Variants in ADGRL2 observed in about 807,000 individuals in gnomAD.
ADGRL2 encodes the protein adhesion G protein-coupled receptor L2.
ADGRL2 carries 44 observed loss-of-function variants against 157.4 expected under a neutral mutation model. That is an observed-to-expected ratio of 0.28 (90% confidence interval 0.22 to 0.36). The LOEUF (loss-of-function observed/expected upper bound fraction) is 0.36. ADGRL2 is among the 10% of genes least tolerant of loss of function. The pLI, the probability that ADGRL2 is intolerant of heterozygous loss-of-function variation, is 1.00. For missense variants in ADGRL2, 1,510 were observed against 1,768.9 expected (o/e 0.85, Z 2.63); for synonymous variants, 585 against 624.7 (o/e 0.94, Z 0.95).
In ADGRL2 at chr1:81,640,791, A is replaced by G. The variant is rs939964188; in HGVS notation, c.-143+59811A>G. Among the ~76,000 whole-genome samples the G allele has an allele frequency of 3.9e-5, 6 of 152,220 alleles. No individual in the cohort carries two copies. In the East Asian group the frequency reaches 1.2e-3, roughly 29 times the overall value. ...ATTACCAGACCTAAACTGCTATCCAACCTTCCAAAAATCAGGAACTAGAGA... is the reference window on the plus strand; with the variant it reads ...ATTACCAGACCTAAACTGCTATCCAGCCTTCCAAAAATCAGGAACTAGAGA... On this transcript the variant is annotated intron_variant, in intron 3 of 24. Transcript: ENST00000370721.
intron 2 of ADGRL2, chr1:81,501,687 G>A (rs1250528359): frequency 1.3e-6 from 2 of 1,573,048 alleles, no homozygotes; most frequent in Admixed American, 1.7e-5. Context: ...GGAGTGCCCC[G>A]CACAGGTTTA....
chr1:81,558,930 CAAT>C (rs571741815), intron 2 of ADGRL2, among the ~76,000 whole-genome samples: 37 of 152,242 alleles, frequency 2.4e-4, no homozygotes, highest in African/African-American at 8.4e-4. Flanking sequence ...GGCTCACAAA[CAAT>C]AAAGAATTGT....
At chr1:81,853,659 G>A (rs934205875) in intron 2 of ADGRL2, among the ~76,000 whole-genome samples, 4 of 152,148 alleles carry the variant, frequency 2.6e-5, no homozygotes, top group African/African-American at 9.7e-5. Context: ...AGCAAATAAA[G>A]TATTAATAAA....
chr1:81,778,126 T>C (rs1571184813), intron 2 of ADGRL2, among the ~76,000 whole-genome samples: 2 of 152,022 alleles, frequency 1.3e-5, no homozygotes, highest in East Asian at 1.9e-4. Flanking sequence ...GGAGACCATT[T>C]TGGCTAACAC....
intron 2 of ADGRL2, among the ~76,000 whole-genome samples, chr1:81,505,520 C>G (rs1024292970): frequency 1.3e-5 from 2 of 150,626 alleles, no homozygotes; most frequent in African/African-American, 5.0e-5. Context: ...TCACTGCCCT[C>G]AAGGACAACA....
chr1:81,693,289 G>GCTCCA (rs1413577901), intron 3 of ADGRL2, among the ~76,000 whole-genome samples: 6 of 152,128 alleles, frequency 3.9e-5, no homozygotes, highest in Non-Finnish European at 7.3e-5. Flanking sequence ...GAGTCCTAGT[G>GCTCCA]CTCCACTTAA....
At chr1:81,752,343 G>T (rs1296038206) in intron 1 of ADGRL2, among the ~76,000 whole-genome samples, 1 of 152,158 alleles carries the variant, frequency 6.6e-6, no homozygotes, top group Non-Finnish European at 1.5e-5. Flanking sequence ...ATGACATTTT[G>T]TTATAGCAGC....
chr1:81,322,954 T>G (rs959443463), intron 1 of ADGRL2, among the ~76,000 whole-genome samples: 11 of 151,284 alleles, frequency 7.3e-5, no homozygotes, highest in Non-Finnish European at 2.9e-5. Flanking sequence ...CACTCTTTGG[T>G]TCAAGCAATT....
intron 3 of ADGRL2, among the ~76,000 whole-genome samples, chr1:81,674,684 A>G (rs1000913334): frequency 6.6e-6 from 1 of 152,212 alleles, no homozygotes; most frequent in African/African-American, 2.4e-5. Flanking sequence ...TTCTGAATGC[A>G]GTTTCTTAAA....
chr1:81,356,955 A>AT (rs1398503951), intron 1 of ADGRL2, among the ~76,000 whole-genome samples: 1 of 125,304 alleles, frequency 8.0e-6, no homozygotes, highest in African/African-American at 2.8e-5. Context: ...TCCGTCTCAA[A>AT]AAAAAAAAAA....
chr1:81,552,685 G>A (rs943398274), intron 2 of ADGRL2, among the ~76,000 whole-genome samples: 12 of 151,074 alleles, frequency 7.9e-5, no homozygotes, highest in African/African-American at 1.7e-4. Flanking sequence ...ACTAAGCCTG[G>A]TCAGATACAT....
intron 2 of ADGRL2, among the ~76,000 whole-genome samples, chr1:81,572,541 T>A (rs759524953): frequency 7.9e-5 from 12 of 152,160 alleles, no homozygotes; most frequent in Non-Finnish European, 1.2e-4. Flanking sequence ...TAAACAGAAG[T>A]ATTAAACTTT....
rs138474331 is a variant in ADGRL2 at position 81,315,332 on chromosome 1, TA to T, written c.-302+8833del. ...TAAGGGGTGACCTGATTCTTTGCCA[TA>T]AAAAAAAAATCACATCCAGATTGCT... On this transcript the variant is annotated intron_variant, in intron 1 of 24. Transcript: ENST00000370721. Among the ~76,000 whole-genome samples the T allele has an allele frequency of 3.3e-3, 498 of 149,080 alleles. 3 individuals carry two copies. Among genetic ancestry groups the T allele is most frequent in the African/African-American group, 0.011 (448 of 40,858 alleles).
rs117058980 is a variant in ADGRL2 at position 81,382,025 on chromosome 1, G to A, written c.-301-63011G>A. ...TTTCTCCCTGAATATTTGTTCCAAT[G>A]TTTCACTAATTATCGACATGAAAGA... is the stretch of plus-strand genomic sequence containing the variant. On this transcript the variant is annotated intron_variant, in intron 1 of 24. Transcript: ENST00000370721. 8.4e-4 allele frequency among the ~76,000 whole-genome samples: 128 copies of A among 152,272 alleles called. 3 individuals carry two copies. The East Asian group carries it at 0.022, about 26-fold the overall frequency.
At chr1:81,941,574 T>G (rs1362306425) in intron 4 of ADGRL2, among the ~76,000 whole-genome samples, 3 of 151,958 alleles carry the variant, frequency 2.0e-5, no homozygotes, top group South Asian at 2.1e-4. Flanking sequence ...TCTATTGTTA[T>G]GCTTATCTAA....
At chr1:81,327,963 T>C (rs61768870) in intron 1 of ADGRL2, among the ~76,000 whole-genome samples, 33,201 of 152,118 alleles carry the variant, frequency 0.22, 3,760 homozygotes, top group South Asian at 0.32. Context: ...AGCCCCCAGC[T>C]GACCCTGCAC....
intron 2 of ADGRL2, among the ~76,000 whole-genome samples, chr1:81,507,424 G>A (rs1486764862): frequency 6.6e-6 from 1 of 152,160 alleles, no homozygotes; most frequent in East Asian, 1.9e-4. Flanking sequence ...GGAGCCCCTA[G>A]GGTGTTGTTC....
chr1:81,741,406 A>G (rs2085070121), intron 1 of ADGRL2, among the ~76,000 whole-genome samples: 1 of 152,196 alleles, frequency 6.6e-6, no homozygotes, highest in African/African-American at 2.4e-5. Context: ...TTTACATTTC[A>G]ACATTCACAT....
intron 2 of ADGRL2, among the ~76,000 whole-genome samples, chr1:81,445,571 G>A (rs541684817): frequency 2.4e-4 from 36 of 152,132 alleles, no homozygotes; most frequent in Non-Finnish European, 4.3e-4. Context: ...TAGAGAGGAC[G>A]GCCTCATATT....
Sources: gnomAD v4.1 joint callset for allele counts (sites outside exome capture counted in the v4.1 genomes callset) on GRCh38, gnomAD v4.1.1 for gene constraint, MANE v1.5 for transcripts, NCBI Gene and HGNC (gene_info 2026-07-23, HGNC 2026-07-21) for gene names.